The following CENPC variants were observed in gnomAD, a reference collection of about 807,000 sequenced individuals.
CENPC encodes CENP-C 1.
CENPC carries 63 observed loss-of-function variants against 112.1 expected under a neutral mutation model. The observed-to-expected ratio is 0.56, with a 90% CI of 0.46 to 0.69. The LOEUF is 0.69. Ranked by LOEUF, CENPC falls within the 30% of genes least tolerant of loss-of-function variation. CENPC has a pLI of 0.00. For missense variants in CENPC, 1,000 were observed against 1,103.8 expected, an observed-to-expected ratio of 0.91 and a Z score of 1.33; for synonymous variants, 333 against 367.6, an observed-to-expected ratio of 0.91 and a Z score of 1.08.
chr4:67,506,760 A>G, intron 11 of CENPC, 28 bp downstream of exon 11: 1 of 1,524,974 alleles, frequency 6.6e-7, no homozygotes, highest in Non-Finnish European at 8.8e-7. Context: ...TAATATATAC[A>G]ACTATTATCC....
intron 12 of CENPC, among the ~76,000 whole-genome samples, chr4:67,501,668 T>C (rs1725593766): frequency 6.6e-6 from 1 of 152,208 alleles, no homozygotes; most frequent in African/African-American, 2.4e-5. Context: ...ACCTGTGTTG[T>C]ATTAATGCTG....
At chr4:67,490,304 G>T (rs1246843022) in intron 16 of CENPC, among the ~76,000 whole-genome samples, 183 bp from the exon 17 acceptor site, 1 of 152,084 alleles carries the variant, frequency 6.6e-6, no homozygotes, top group East Asian at 1.9e-4. Context: ...CTTAAAAGCT[G>T]CATGACCTTA....
intron 5 of CENPC, among the ~76,000 whole-genome samples, chr4:67,524,129 G>T (rs905440469): frequency 6.6e-6 from 1 of 151,882 alleles, no homozygotes. Flanking sequence ...ACTACAAAAT[G>T]ATAAACCTCT....
At chr4:67,499,765 CT>C (rs1725540485) in intron 12 of CENPC, among the ~76,000 whole-genome samples, 1 of 152,208 alleles carries the variant, frequency 6.6e-6, no homozygotes, top group South Asian at 2.1e-4. Flanking sequence ...CGAGGCCTAG[CT>C]TCTGGACTAT....
intron 17 of CENPC, among the ~76,000 whole-genome samples, chr4:67,484,274 G>T (rs186632433): frequency 2.0e-4 from 30 of 152,294 alleles, no homozygotes; most frequent in Non-Finnish European, 3.8e-4. Flanking sequence ...GCCTAGGTTC[G>T]TAGTAGGCTA....
intron 7 of CENPC, among the ~76,000 whole-genome samples, chr4:67,517,616 T>C (rs928863803): frequency 6.6e-6 from 1 of 150,946 alleles, no homozygotes. Context: ...GGCAGATGGA[T>C]CACCTGAGGT....
At chr4:67,491,539 A>ATAGAGAGAGAGAGAGAGAG (rs1220047211) in intron 16 of CENPC, among the ~76,000 whole-genome samples, 1 of 135,394 alleles carries the variant, frequency 7.4e-6, no homozygotes, top group Non-Finnish European at 1.6e-5. Flanking sequence ...CCTGGTTGTT[A>ATAGAGAGAGAGAGAGAGAG]AACAGTTGCG....
chr4:67,492,517 G>A (rs1725311991), intron 15 of CENPC, among the ~76,000 whole-genome samples: 2 of 152,080 alleles, frequency 1.3e-5, no homozygotes, highest in South Asian at 4.1e-4. Context: ...GTAAACTCTT[G>A]CATTATCAAG....
chr4:67,520,296 G>A (rs957349119), intron 5 of CENPC, among the ~76,000 whole-genome samples: 4 of 152,126 alleles, frequency 2.6e-5, no homozygotes, highest in Non-Finnish European at 4.4e-5. Context: ...AGCCAGTCCC[G>A]CTTCTACAAT....
intron 9 of CENPC, chr4:67,510,785 A>AACTTCAGACTTCAGTTTCTTCTTC: frequency 3.1e-6 from 1 of 319,062 alleles, no homozygotes; most frequent in South Asian, 2.8e-5. Flanking sequence ...TGTTCTTCTT[A>AACTTCAGACTTCAGTTTCTTCTTC]ACTTCAGACT....
At chr4:67,483,054 A>T (rs1724996664) in intron 17 of CENPC, among the ~76,000 whole-genome samples, 1 of 152,002 alleles carries the variant, frequency 6.6e-6, no homozygotes, top group Admixed American at 6.6e-5. Flanking sequence ...TCGCTTGGCA[A>T]TTCTCCTTGC....
At chr4:67,514,790 T>G (rs1191820693) in intron 7 of CENPC, 103 bp from the exon 8 acceptor site, 7 of 1,144,942 alleles carry the variant, frequency 6.1e-6, no homozygotes, top group Non-Finnish European at 8.4e-6. Flanking sequence ...TCTTTTAAAC[T>G]GTTTATATAT....
chr4:67,535,538 G>A (rs372135953), intron 4 of CENPC, among the ~76,000 whole-genome samples: 4 of 152,074 alleles, frequency 2.6e-5, no homozygotes, highest in African/African-American at 7.2e-5. Flanking sequence ...ATAGAAAACT[G>A]GTGATGAATT....
intron 2 of CENPC, 89 bp from the exon 3 acceptor site, chr4:67,541,139 T>C: frequency 1.3e-6 from 1 of 800,000 alleles, no homozygotes; most frequent in Non-Finnish European, 2.0e-6. Context: ...CATTATAAAA[T>C]ATAAATTTAC....
intron 7 of CENPC, among the ~76,000 whole-genome samples, chr4:67,516,484 T>C (rs1726059911): frequency 6.6e-6 from 1 of 152,020 alleles, no homozygotes; most frequent in African/African-American, 2.4e-5. Flanking sequence ...CTCTTTTAAT[T>C]AGAACATACA....
intron 5 of CENPC, among the ~76,000 whole-genome samples, chr4:67,521,373 T>TA (rs1226384521): frequency 3.3e-5 from 5 of 151,916 alleles, no homozygotes; most frequent in African/African-American, 7.2e-5. Context: ...TAGCATTTTT[T>TA]AAAAAAAAGT....
At chr4:67,522,165 CA>C (rs1726247022) in intron 5 of CENPC, among the ~76,000 whole-genome samples, 1 of 151,994 alleles carries the variant, frequency 6.6e-6, no homozygotes, top group South Asian at 2.1e-4. Context: ...CAAACTAAAA[CA>C]AAAAGTCTTG....
chr4:67,505,324 A>G, intron 11 of CENPC, 40 bp from the exon 12 acceptor site: 1 of 1,150,164 alleles, frequency 8.7e-7, no homozygotes, highest in Non-Finnish European at 1.2e-6. Flanking sequence ...ATGCTTTTAT[A>G]ATACATATAT....
intron 5 of CENPC, among the ~76,000 whole-genome samples, chr4:67,524,196 T>C (rs1306646464): frequency 2.6e-5 from 4 of 151,804 alleles, no homozygotes; most frequent in South Asian, 4.2e-4. Flanking sequence ...TGGAATAAAA[T>C]AGGGGATGAT....
Sources: allele counts gnomAD v4.1 joint callset (sites outside exome capture counted in the v4.1 genomes callset), GRCh38; gene constraint gnomAD v4.1.1; transcripts MANE v1.5; gene names NCBI Gene and HGNC (gene_info 2026-07-23, HGNC 2026-07-21).